Variants in BCR observed in about 807,000 individuals in gnomAD.
BCR encodes the protein BCR activator of RhoGEF and GTPase.
Under a neutral mutation model 138.6 loss-of-function variants are expected in BCR, and 58 were observed. The observed-to-expected ratio is 0.42, with a 90% CI of 0.34 to 0.52. The LOEUF (loss-of-function observed/expected upper bound fraction) is 0.52. Ranked by LOEUF, BCR falls within the 20% of genes least tolerant of loss-of-function variation. BCR has a pLI of 0.06. For synonymous variants in BCR, 786 were observed against 730.1 expected (o/e 1.08, Z -1.23); for missense variants, 1,599 against 1,727.2 (o/e 0.93, Z 1.32).
chr22:23,181,946 C>T lies in BCR; in HGVS notation c.986C>T (p.Thr329Ile), dbSNP rs1344045594. ...RSFEDCGGGY[T>I]PDCSSNENLT... Reference sequence around the variant, plus strand: ...TTTGAGGATTGCGGAGGCGGCTATACCCCGGACTGCAGCTCCAATGAGAAC... The same window carrying T: ...TTTGAGGATTGCGGAGGCGGCTATATCCCGGACTGCAGCTCCAATGAGAAC... Residue 329 changes from threonine to isoleucine, a missense_variant, in exon 1 of 23, where the codon ACC becomes ATC. Around this residue, in one of 4 missense-constraint regions of BCR, gnomAD observed 806 missense variants for 635.0 expected, o/e 1.27. Transcript: ENST00000305877. The T allele has an allele frequency of 3.7e-6, 6 of 1,612,784 alleles. No homozygotes were observed. Among genetic ancestry groups the T allele is most frequent in the Admixed American group, 3.3e-5 (2 of 59,972 alleles).
At chr22:23,286,353 C>T (rs183537272) in intron 10 of BCR, among the ~76,000 whole-genome samples, 22 of 152,308 alleles carry the variant, frequency 1.4e-4, no homozygotes, top group Admixed American at 2.6e-4. Flanking sequence ...GTAGGGTGGA[C>T]GCAGCAGGAC....
intron 1 of BCR, among the ~76,000 whole-genome samples, chr22:23,246,022 A>G (rs2073153952): frequency 6.6e-6 from 1 of 152,162 alleles, no homozygotes; most frequent in East Asian, 1.9e-4. Context: ...TGGGGATTTA[A>G]TATCAATGGA....
At chr22:23,242,875 C>T (rs1374289573) in intron 1 of BCR, 2 of 455,736 alleles carry the variant, frequency 4.4e-6, no homozygotes, top group African/African-American at 2.0e-5. Context: ...TCTCTGGAGG[C>T]TCTAGGGGAG....
intron 1 of BCR, among the ~76,000 whole-genome samples, chr22:23,213,690 C>T (rs1450590630): frequency 3.3e-5 from 5 of 151,992 alleles, no homozygotes; most frequent in African/African-American, 1.2e-4. Flanking sequence ...ATTGCTGGGG[C>T]GTGGTGGTGC....
intron 2 of BCR, among the ~76,000 whole-genome samples, chr22:23,258,652 G>GT (rs956717327): frequency 2.0e-5 from 3 of 152,332 alleles, no homozygotes; most frequent in African/African-American, 7.2e-5. Context: ...TGGAGACATT[G>GT]TGGCTGCCAC....
chr22:23,263,946 G>T lies in BCR; in HGVS notation c.1752+2406G>T, dbSNP rs1568962062. 6 of 922,420 alleles carry T rather than the reference G, an allele frequency of 6.5e-6. No homozygotes were observed. In the East Asian group the frequency reaches 1.4e-4, roughly 22 times the overall value. 57.1% of individuals were successfully genotyped at this position (922,420 alleles called of 1,614,324 possible). A position where few individuals can be genotyped will look rare whatever the true frequency, so the allele number is the denominator to read the frequency against. On this transcript the variant is annotated intron_variant, in intron 4 of 22. Transcript: ENST00000305877. Reference sequence around the variant, plus strand: ...GCACTTCTCACCCCTGAAAATCTGGGACCTCAACAGTGGGCAGCTGATGAC... The same window carrying T: ...GCACTTCTCACCCCTGAAAATCTGGTACCTCAACAGTGGGCAGCTGATGAC...
At chr22:23,298,699 G>A (rs1380195966) in intron 16 of BCR, among the ~76,000 whole-genome samples, 1 of 151,818 alleles carries the variant, frequency 6.6e-6, no homozygotes, top group Non-Finnish European at 1.5e-5. Context: ...GGGTTCAAGC[G>A]ATTCTGCTGC....
intron 2 of BCR, among the ~76,000 whole-genome samples, chr22:23,254,371 G>A (rs979050912): frequency 2.0e-5 from 3 of 152,108 alleles, no homozygotes; most frequent in African/African-American, 4.8e-5. Flanking sequence ...GCTGAGGATG[G>A]CTCCATCCAT....
At chr22:23,277,832 T>C (rs2073596876) in intron 8 of BCR, among the ~76,000 whole-genome samples, 1 of 152,106 alleles carries the variant, frequency 6.6e-6, no homozygotes, top group South Asian at 2.1e-4. Flanking sequence ...TGGGGAACAG[T>C]GACTTTGGGC....
Position 23,210,866 on chromosome 22 carries a change from C to T in BCR, c.1279+28627C>T, listed in dbSNP as rs8137433. 8.3e-3 allele frequency among the ~76,000 whole-genome samples: 1,258 copies of T among 152,304 alleles called. 22 individuals are homozygous for T. Among genetic ancestry groups the T allele is most frequent in the African/African-American group, 0.029 (1,208 of 41,550 alleles). The stretch of plus-strand genomic sequence containing the variant: ...ATTTCATCCCACAGATGGGTCAGTA[C>T]TGTTCTTCCCCTTTCTATCCCACTA... On this transcript the variant is annotated intron_variant, in intron 1 of 22. Transcript: ENST00000305877.
chr22:23,238,005 T>C (rs1420290514), intron 1 of BCR, among the ~76,000 whole-genome samples: 1 of 152,206 alleles, frequency 6.6e-6, no homozygotes, highest in Non-Finnish European at 1.5e-5. Flanking sequence ...CTTGTGCTTC[T>C]CAGTGCCGTT....
intron 16 of BCR, among the ~76,000 whole-genome samples, chr22:23,304,341 A>AAAT (rs1306296802): frequency 2.0e-5 from 3 of 151,946 alleles, no homozygotes; most frequent in Non-Finnish European, 4.4e-5. Context: ...ATCATACTAG[A>AAAT]GTGGGCTTTT....
intron 1 of BCR, among the ~76,000 whole-genome samples, 169 bp from the exon 2 acceptor site, chr22:23,253,630 C>G (rs1264997826): frequency 6.6e-6 from 1 of 152,162 alleles, no homozygotes; most frequent in Non-Finnish European, 1.5e-5. Context: ...CCCCCCTCAC[C>G]TTGTGGTCTT....
At chr22:23,276,815 G>A (rs925884008) in intron 8 of BCR, among the ~76,000 whole-genome samples, 5 of 152,240 alleles carry the variant, frequency 3.3e-5, no homozygotes, top group Admixed American at 6.5e-5. Flanking sequence ...CCAGATGGGC[G>A]AAGCCCCGTC....
intron 4 of BCR, chr22:23,263,145 G>C (rs1056325524): frequency 2.7e-6 from 2 of 732,282 alleles, no homozygotes; most frequent in Non-Finnish European, 4.3e-6. Flanking sequence ...CATGGCGGCG[G>C]CAGCCAGGGA....
At chr22:23,309,554 ATCAG>A in intron 17 of BCR, 71 bp downstream of exon 17, 1 of 1,430,636 alleles carries the variant, frequency 7.0e-7, no homozygotes, top group South Asian at 1.2e-5. Context: ...TTCATTTCAA[ATCAG>A]TCAGAGGTGG....
chr22:23,241,544 C>T (rs1260000643), intron 1 of BCR, among the ~76,000 whole-genome samples: 1 of 152,212 alleles, frequency 6.6e-6, no homozygotes, highest in Non-Finnish European at 1.5e-5. Context: ...GGGCACTACC[C>T]ATCTTCCCTG....
At chr22:23,239,083 G>A (rs1157432104) in intron 1 of BCR, among the ~76,000 whole-genome samples, 4 of 152,070 alleles carry the variant, frequency 2.6e-5, no homozygotes, top group Non-Finnish European at 4.4e-5. Context: ...CCAGCTTGTC[G>A]CTTTAGTACC....
At chr22:23,210,306 G>T (rs9608087) in intron 1 of BCR, among the ~76,000 whole-genome samples, 28,284 of 151,602 alleles carry the variant, frequency 0.19, 3,063 homozygotes, top group Middle Eastern at 0.33. Context: ...AGTCCTGGCC[G>T]CTTGAGAAAC....
Sources: gnomAD v4.1 joint callset for allele counts (sites outside exome capture counted in the v4.1 genomes callset) on GRCh38, gnomAD v4.1.1 for gene constraint, gnomAD v4.1.1 regional missense constraint, MANE v1.5 for transcripts, NCBI Gene and HGNC (gene_info 2026-07-23, HGNC 2026-07-21) for gene names.